DST: variants seen among roughly 807,000 people sequenced by gnomAD.
DST encodes the protein bullous pemphigoid antigen.
DST carries 253 observed loss-of-function variants against 875.2 expected under a neutral mutation model. The ratio of observed to expected loss-of-function variants is 0.29; its 90% CI spans 0.26 to 0.32. The LOEUF is 0.32. DST is among the 10% of genes least tolerant of loss of function. The probability of loss-of-function intolerance (pLI) is 1.00; values close to 1 mark genes in which losing one functional copy is unlikely to be tolerated. For missense variants in DST, 8,287 were observed against 9,111.6 expected (o/e 0.91, Z 3.68); for synonymous variants, 3,124 against 3,197.1 (o/e 0.98, Z 0.77).
Position 56,535,167 on chromosome 6 carries a change from C to T in DST, c.16896G>A (p.Pro5632=), listed in dbSNP as rs369417587. ...TEELVANQKP[P]SAEFKVVKAQ... Reference sequence around the variant, plus strand: ...CCTTTACCACTTTGAACTCAGCCGACGGGGGCTTCTGATTGGCCACAAGCT... The same window carrying T: ...CCTTTACCACTTTGAACTCAGCCGATGGGGGCTTCTGATTGGCCACAAGCT... The change falls in exon 63 of 104, where the codon CCG becomes CCA. Residue 5632 remains proline, a synonymous_variant. Coordinates refer to ENST00000680361, the MANE Select transcript of DST (RefSeq NM_001374736.1). 26 of 1,613,700 alleles carry T rather than the reference C, an allele frequency of 1.6e-5. No homozygotes were observed. The highest frequency in any genetic ancestry group is 1.6e-4 in the African/African-American group (12 of 74,904).
intron 5 of DST, among the ~76,000 whole-genome samples, chr6:56,713,550 G>C (rs969086391): frequency 1.3e-5 from 2 of 152,148 alleles, no homozygotes; most frequent in African/African-American, 2.4e-5. Flanking sequence ...CTGCAGACTC[G>C]AGAGGAAGCA....
At chr6:56,840,318 G>C (rs2099798444) in intron 4 of DST, among the ~76,000 whole-genome samples, 1 of 152,106 alleles carries the variant, frequency 6.6e-6, no homozygotes, top group South Asian at 2.1e-4. Flanking sequence ...AGAATGTTTT[G>C]TATTACACGG....
chr6:56,919,955 G>A (rs1363175769), intron 2 of DST, among the ~76,000 whole-genome samples: 1 of 151,534 alleles, frequency 6.6e-6, no homozygotes, highest in African/African-American at 2.4e-5. Flanking sequence ...TCTGTCTCCG[G>A]GAAAAAAGAA....
chr6:56,604,721 A>C lies in DST; in HGVS notation c.9907T>G (p.Ser3303Ala). 5.6e-6 allele frequency: 9 copies of C among 1,612,424 alleles called. No individual in the cohort carries two copies. The highest frequency in any genetic ancestry group is 7.6e-6 in the Non-Finnish European group (9 of 1,179,104). ...RCANGLGNDN[S>A]SNTLNTDYSF... ...TAGTCAGTATTTAAAGTGTTACTGG[A>C]GTTATCATTTCCTAATCCATTTGCA... The change falls in exon 40 of 104, where the codon TCC (serine) becomes GCC (alanine). Residue 3303 changes from serine (S) to alanine (A), a missense_variant. Around this residue, in one of 10 missense-constraint regions of DST, gnomAD observed 3,138 missense variants for 3,116.6 expected, o/e 1.01. Transcript: ENST00000680361.
Position 56,610,579 on chromosome 6 carries a change from G to T in DST, c.5148-17C>A. The T allele has an allele frequency of 6.4e-7, 1 of 1,562,734 alleles. No individual in the cohort carries two copies. Among genetic ancestry groups the T allele is most frequent in the South Asian group, 1.2e-5 (1 of 81,844 alleles). On this transcript the variant is annotated splice_polypyrimidine_tract_variant and intron_variant, in intron 38 of 103. Coordinates refer to ENST00000680361, the MANE Select transcript of DST (RefSeq NM_001374736.1). ...TCTGTCATTCTAAATAACCAGAAAT[G>T]ATAAAAAGACTAATGCAAGTCGTCC...
intron 60 of DST, 43 bp downstream of exon 60, chr6:56,555,302 T>C: frequency 6.6e-7 from 1 of 1,526,630 alleles, no homozygotes. Context: ...ATATATGACA[T>C]TTATTTCTGA....
At chr6:56,866,398 G>A (rs1157951072) in intron 3 of DST, among the ~76,000 whole-genome samples, 1 of 152,106 alleles carries the variant, frequency 6.6e-6, no homozygotes. Context: ...TGTCCTCAAC[G>A]ATCTATTCTC....
At chr6:56,547,461 G>A (rs911777108) in intron 61 of DST, among the ~76,000 whole-genome samples, 7 of 152,056 alleles carry the variant, frequency 4.6e-5, no homozygotes, top group Admixed American at 4.6e-4. Context: ...CCAGAGGAAG[G>A]GAACATGCAA....
chr6:56,583,951 T>C (rs1273241212), intron 49 of DST, among the ~76,000 whole-genome samples: 1 of 152,206 alleles, frequency 6.6e-6, no homozygotes, highest in Non-Finnish European at 1.5e-5. Flanking sequence ...CATTGATCTA[T>C]ATCTCTGTTT....
chr6:56,738,426 T>C (rs2099534423), intron 4 of DST, among the ~76,000 whole-genome samples: 1 of 152,148 alleles, frequency 6.6e-6, no homozygotes, highest in African/African-American at 2.4e-5. Context: ...GTGCAAGCGA[T>C]TCTCCTGCCT....
intron 63 of DST, among the ~76,000 whole-genome samples, chr6:56,533,947 T>C (rs2096944662): frequency 6.6e-6 from 1 of 152,162 alleles, no homozygotes; most frequent in African/African-American, 2.4e-5. Flanking sequence ...CCATTTTTAA[T>C]TGATGAATAA....
At chr6:56,665,845 T>C (rs1474527250) in intron 10 of DST, among the ~76,000 whole-genome samples, 1 of 152,140 alleles carries the variant, frequency 6.6e-6, no homozygotes, top group African/African-American at 2.4e-5. Context: ...AAATAAAAGT[T>C]GAAATTGTTT....
intron 77 of DST, among the ~76,000 whole-genome samples, chr6:56,504,673 C>G (rs1436968913): frequency 3.9e-5 from 6 of 152,052 alleles, no homozygotes; most frequent in Admixed American, 3.9e-4. Context: ...TAAAAAGGCT[C>G]AAGTCACATT....
rs147912470 is a variant in DST, at chr6:56,573,937, T to C, written c.13028-50A>G. On this transcript the variant is annotated intron_variant, in intron 50 of 103. Transcript: ENST00000680361. ...TAACCACAAAGTTCTCTTTGCCCTA[T>C]CCCTTTTCAAAAACACATGAAGGTG... 3.4e-5 allele frequency: 47 copies of C among 1,376,228 alleles called. No individual in the cohort carries two copies. The African/African-American group carries it at 6.6e-4, about 19-fold the overall frequency. 85.3% of individuals were successfully genotyped at this position (1,376,228 alleles called of 1,614,324 possible). A position where few individuals can be genotyped will look rare whatever the true frequency, so the allele number is the denominator to read the frequency against.
chr6:56,740,702 GA>G (rs781522747), intron 4 of DST, among the ~76,000 whole-genome samples: 24 of 152,284 alleles, frequency 1.6e-4, no homozygotes, highest in Admixed American at 4.6e-4. Context: ...TCTGTGATGT[GA>G]TGTGAACTTT....
chr6:56,654,595 T>TATATATATATATATATATAC (rs2098994995), intron 10 of DST, among the ~76,000 whole-genome samples: 1 of 149,994 alleles, frequency 6.7e-6, no homozygotes, highest in African/African-American at 2.5e-5. Context: ...GCTATATATA[T>TATATATATATATATATATAC]ATATATATAT....
intron 2 of DST, among the ~76,000 whole-genome samples, chr6:56,924,949 A>ATTTACTTAAT (rs1806242793): frequency 6.6e-6 from 1 of 152,182 alleles, no homozygotes; most frequent in Non-Finnish European, 1.5e-5. Flanking sequence ...TTCCTGTGCT[A>ATTTACTTAAT]TGGAAATTTA....
At chr6:56,570,778 C>T (rs75828222) in intron 53 of DST, among the ~76,000 whole-genome samples, 24 of 152,268 alleles carry the variant, frequency 1.6e-4, no homozygotes, top group East Asian at 9.7e-4. Context: ...ATGGCACTCT[C>T]TATAATGCTA....
In DST at chr6:56,916,091, G is replaced by A. The variant is rs144345350; in HGVS notation, c.217-15470C>T. Among the ~76,000 whole-genome samples the A allele has an allele frequency of 3.3e-5, 5 of 152,312 alleles. No homozygotes were observed. In the East Asian group the frequency reaches 9.6e-4, roughly 29 times the overall value. ...GCTCAGATGGCAGATAGGTGATAGG[G>A]AGGAAGTAACAAGACAAGTCGGCTA... On this transcript the variant is annotated intron_variant, in intron 2 of 103. Coordinates refer to ENST00000680361, the MANE Select transcript of DST (RefSeq NM_001374736.1).
Sources: gnomAD v4.1 joint callset for allele counts (sites outside exome capture counted in the v4.1 genomes callset) on GRCh38, gnomAD v4.1.1 for gene constraint, gnomAD v4.1.1 regional missense constraint, MANE v1.5 for transcripts, NCBI Gene and HGNC (gene_info 2026-07-23, HGNC 2026-07-21) for gene names.